WASHC3: variants seen among roughly 807,000 people sequenced by gnomAD.
WASHC3 encodes WASH complex subunit CCDC53.
Under a neutral mutation model 26.1 loss-of-function variants are expected in WASHC3, and 24 were observed. That is an observed-to-expected ratio of 0.92 (90% CI 0.66 to 1.29). The LOEUF (loss-of-function observed/expected upper bound fraction) is 1.29, where lower values mean the gene tolerates loss of function less well. Among genes scored for constraint, WASHC3 ranks in the 50% most tolerant of loss-of-function variants. The pLI is 0.00. For missense variants in WASHC3, 214 were observed against 229.6 expected (o/e 0.93, Z 0.44); for synonymous variants, 77 against 75.7 (o/e 1.02, Z -0.09).
intron 2 of WASHC3, chr12:102,050,196 TC>T: frequency 2.6e-6 from 1 of 388,268 alleles, no homozygotes. Context: ...CACCTGTAGT[TC>T]CAGCTACTTG....
intron 6 of WASHC3, among the ~76,000 whole-genome samples, chr12:102,015,118 CA>C (rs2121312543): frequency 6.6e-6 from 1 of 152,240 alleles, no homozygotes; most frequent in South Asian, 2.1e-4. Flanking sequence ...GCCTGGGCAA[CA>C]GGGCAAAACA....
chr12:102,016,786 A>G (rs1876724390), intron 6 of WASHC3, among the ~76,000 whole-genome samples: 1 of 152,234 alleles, frequency 6.6e-6, no homozygotes. Flanking sequence ...ATAAAGATAT[A>G]AAGAAAGAAA....
chr12:102,057,546 G>C (rs1375592030), intron 2 of WASHC3, among the ~76,000 whole-genome samples: 1 of 151,484 alleles, frequency 6.6e-6, no homozygotes, highest in Admixed American at 6.6e-5. Context: ...AAAATTGTTA[G>C]AACTAACAAA....
chr12:102,044,373 T>A (rs1020233988), intron 3 of WASHC3, among the ~76,000 whole-genome samples, 161 bp from the exon 4 acceptor site: 4 of 152,228 alleles, frequency 2.6e-5, no homozygotes, highest in African/African-American at 9.6e-5. Context: ...CGGTCACAAA[T>A]TCTTTTGAAG....
At chr12:102,015,109 C>G (rs963101990) in intron 6 of WASHC3, among the ~76,000 whole-genome samples, 2 of 152,104 alleles carry the variant, frequency 1.3e-5, no homozygotes, top group African/African-American at 4.8e-5. Context: ...TCAAGACCAG[C>G]CTGGGCAACA....
rs2136699571 is a variant in WASHC3, at chr12:102,061,288, G to A, written c.110C>T (p.Thr37Ile). ...VAFLNQFVVH[T>I]VQFLNRFSTV... ...AGAAAAGCGGTTGAGGAACTGTACAGTGTGCACCACAAATTGGTTTAGAAA... is the reference window on the plus strand; with the variant it reads ...AGAAAAGCGGTTGAGGAACTGTACAATGTGCACCACAAATTGGTTTAGAAA... Residue 37 changes from threonine (T) to isoleucine (I), a missense_variant, in exon 2 of 7, where the codon ACT becomes ATT. By Grantham distance (89) the Thr-to-Ile change is moderately conservative. Coordinates refer to ENST00000240079, the MANE Select transcript of WASHC3 (RefSeq NM_016053.4). The A allele has an allele frequency of 1.2e-6, 2 of 1,613,908 alleles. No individual in the cohort carries two copies. The highest frequency in any genetic ancestry group is 2.2e-5 in the South Asian group (2 of 91,050).
intron 2 of WASHC3, among the ~76,000 whole-genome samples, chr12:102,053,451 C>G (rs1878472670): frequency 6.6e-6 from 1 of 152,206 alleles, no homozygotes; most frequent in Non-Finnish European, 1.5e-5. Context: ...GATGAGCTTA[C>G]TGGTGAAGGG....
chr12:102,012,905 TCA>T lies in WASHC3; in HGVS notation c.*201_*202del. ...TACTTTATTTAGGTTATCCTATTTTTCATTTTGAGGCCCTTTATTTTAGCAAC... is the reference window on the plus strand; with the variant it reads ...TACTTTATTTAGGTTATCCTATTTTTTTTTGAGGCCCTTTATTTTAGCAAC... On this transcript the variant is annotated 3_prime_UTR_variant, in exon 7 of 7. Coordinates refer to ENST00000240079, the MANE Select transcript of WASHC3 (RefSeq NM_016053.4). The T allele has an allele frequency of 2.3e-6, 1 of 435,604 alleles. No individual in the cohort carries two copies. The highest frequency in any genetic ancestry group is 4.0e-6 in the Non-Finnish European group (1 of 247,840). 27.0% of individuals were successfully genotyped at this position (435,604 alleles called of 1,614,324 possible).
At chr12:102,041,018 TCAAAAACTA>T (rs1250530639) in intron 4 of WASHC3, among the ~76,000 whole-genome samples, 5 of 151,874 alleles carry the variant, frequency 3.3e-5, no homozygotes, top group Non-Finnish European at 7.4e-5. Flanking sequence ...ATTAAATCTG[TCAAAAACTA>T]CAAAGCAAAT....
Position 102,014,059 on chromosome 12 carries a change from A to G in WASHC3, c.501-867T>C, listed in dbSNP as rs138518077. ...GGAAACCAAGAGGAAAAGGAGTAAC[A>G]ATATAACTGCTACATCTTTTTTTTT... On this transcript the variant is annotated intron_variant, in intron 6 of 6. Coordinates refer to ENST00000240079, the MANE Select transcript of WASHC3 (RefSeq NM_016053.4). Among the ~76,000 whole-genome samples, 159 of 151,460 alleles carry G rather than the reference A, an allele frequency of 1.0e-3. 3 individuals carry two copies. The highest frequency in any genetic ancestry group is 3.2e-3 in the African/African-American group (134 of 41,246).
intron 5 of WASHC3, among the ~76,000 whole-genome samples, chr12:102,030,677 T>A (rs1316040375): frequency 6.6e-6 from 1 of 152,120 alleles, no homozygotes; most frequent in African/African-American, 2.4e-5. Context: ...AAATGTGATA[T>A]TAGTATTAAA....
intron 2 of WASHC3, among the ~76,000 whole-genome samples, chr12:102,058,085 A>T (rs376980684): frequency 2.0e-3 from 300 of 152,276 alleles, no homozygotes; most frequent in African/African-American, 6.8e-3. Context: ...AAATCCATGC[A>T]TTTAAAGTCA....
chr12:102,052,711 C>T (rs1255776745), intron 2 of WASHC3, among the ~76,000 whole-genome samples: 1 of 152,150 alleles, frequency 6.6e-6, no homozygotes, highest in East Asian at 1.9e-4. Context: ...AGTCTGGCTC[C>T]TGCAGCCCAT....
chr12:102,016,264 G>A (rs1010507946), intron 6 of WASHC3, among the ~76,000 whole-genome samples: 3 of 151,938 alleles, frequency 2.0e-5, no homozygotes, highest in Non-Finnish European at 4.4e-5. Flanking sequence ...GGGTGCAGTG[G>A]TGCAATCTTG....
intron 5 of WASHC3, among the ~76,000 whole-genome samples, chr12:102,026,400 A>G (rs924170139): frequency 6.6e-6 from 1 of 152,192 alleles, no homozygotes; most frequent in East Asian, 1.9e-4. Flanking sequence ...ATAGTTAACA[A>G]TATGAATAGG....
chr12:102,045,870 A>G (rs1878139891), intron 3 of WASHC3, among the ~76,000 whole-genome samples, 184 bp downstream of exon 3: 1 of 152,244 alleles, frequency 6.6e-6, no homozygotes, highest in African/African-American at 2.4e-5. Context: ...CATTTGAATT[A>G]ATGGTTCATA....
intron 4 of WASHC3, among the ~76,000 whole-genome samples, chr12:102,041,725 G>A (rs1207997653): frequency 6.6e-6 from 1 of 152,022 alleles, no homozygotes; most frequent in Non-Finnish European, 1.5e-5. Context: ...AGAAGTTGAT[G>A]TGAATATTAA....
intron 6 of WASHC3, among the ~76,000 whole-genome samples, chr12:102,025,317 A>G (rs942867120): frequency 1.3e-5 from 2 of 152,152 alleles, no homozygotes; most frequent in Non-Finnish European, 2.9e-5. Flanking sequence ...TGAACTATAC[A>G]GCCAGATTTG....
chr12:102,039,764 G>A, intron 5 of WASHC3, 104 bp downstream of exon 5: 1 of 502,882 alleles, frequency 2.0e-6, no homozygotes, highest in Non-Finnish European at 3.7e-6. Flanking sequence ...TTGGTTACTT[G>A]GTTTAGCAGT....
Sources: allele counts gnomAD v4.1 joint callset (sites outside exome capture counted in the v4.1 genomes callset), GRCh38; gene constraint gnomAD v4.1.1; transcripts MANE v1.5; gene names NCBI Gene and HGNC (gene_info 2026-07-23, HGNC 2026-07-21).